ASIC2: variants seen among roughly 807,000 people sequenced by gnomAD.
ASIC2 encodes the protein acid-sensing ion channel 2.
In ASIC2, 25 loss-of-function variants were observed where a neutral mutation model predicts 57.3. The observed-to-expected ratio is 0.44, with a 90% CI of 0.32 to 0.61. The LOEUF (loss-of-function observed/expected upper bound fraction) is 0.61. Among genes scored for constraint, ASIC2 ranks in the 20% least tolerant of loss-of-function variants. The probability of loss-of-function intolerance (pLI) is 0.06; values close to 1 mark genes in which losing one functional copy is unlikely to be tolerated. For missense variants in ASIC2, 641 were observed against 738.1 expected (o/e 0.87, Z 1.52); for synonymous variants, 319 against 307.5 (o/e 1.04, Z -0.39).
chr17:33,261,287 T>C (rs1056715164), intron 1 of ASIC2, among the ~76,000 whole-genome samples: 1 of 152,216 alleles, frequency 6.6e-6, no homozygotes, highest in African/African-American at 2.4e-5. Context: ...TCTCCCATCT[T>C]CCCCTCATCA....
At chr17:33,983,144 C>G (rs1905688308) in intron 1 of ASIC2, among the ~76,000 whole-genome samples, 1 of 152,166 alleles carries the variant, frequency 6.6e-6, no homozygotes, top group Non-Finnish European at 1.5e-5. Flanking sequence ...ATACCAGTTA[C>G]TCAAAAACAT....
intron 1 of ASIC2, among the ~76,000 whole-genome samples, chr17:33,704,347 C>A (rs1908800169): frequency 6.6e-6 from 1 of 152,130 alleles, no homozygotes; most frequent in South Asian, 2.1e-4. Context: ...ACTCAGAGAG[C>A]CATCCAGAAT....
intron 1 of ASIC2, among the ~76,000 whole-genome samples, chr17:33,820,481 A>G (rs1441584604): frequency 6.6e-6 from 1 of 152,234 alleles, no homozygotes; most frequent in Admixed American, 6.5e-5. Flanking sequence ...ATTAGCCAGC[A>G]ATTTCATATG....
At chr17:34,100,385 G>T (rs1242076816) in intron 1 of ASIC2, among the ~76,000 whole-genome samples, 1 of 152,038 alleles carries the variant, frequency 6.6e-6, no homozygotes, top group Non-Finnish European at 1.5e-5. Context: ...CAGCTCCATG[G>T]CACGGTAAGG....
chr17:33,285,260 G>A (rs1159121726), intron 1 of ASIC2, among the ~76,000 whole-genome samples: 5 of 152,190 alleles, frequency 3.3e-5, no homozygotes, highest in Non-Finnish European at 7.3e-5. Flanking sequence ...AGACCTGAGT[G>A]GAGTTTACAT....
intron 1 of ASIC2, among the ~76,000 whole-genome samples, chr17:33,915,240 C>T (rs1915558892): frequency 6.6e-6 from 1 of 152,182 alleles, no homozygotes; most frequent in African/African-American, 2.4e-5. Context: ...AGACAATACA[C>T]CTTTACAGGT....
chr17:33,529,907 T>G (rs1914996915), intron 1 of ASIC2: 1 of 152,220 alleles, frequency 6.6e-6, no homozygotes, highest in Admixed American at 6.5e-5. Context: ...TTTGTGCTCC[T>G]CCGGCTCGCT....
chr17:33,796,095 C>G lies in ASIC2; in HGVS notation c.555+359883G>C, dbSNP rs73986717. On this transcript the variant is annotated intron_variant, in intron 1 of 9. Transcript: ENST00000359872. The stretch of plus-strand genomic sequence containing the variant: ...CTTAATAGGCCAAGTGCCACAATCA[C>G]AGTGGCTTCTTCTTGCCCTTGGTTT... Among the ~76,000 whole-genome samples, 117 of 152,366 alleles carry G rather than the reference C, an allele frequency of 7.7e-4. 2 individuals are homozygous for G. The highest frequency in any genetic ancestry group is 2.7e-3 in the African/African-American group (114 of 41,588).
chr17:33,066,442 G>T (rs1031508091), intron 3 of ASIC2, among the ~76,000 whole-genome samples: 2 of 152,156 alleles, frequency 1.3e-5, no homozygotes, highest in Non-Finnish European at 2.9e-5. Flanking sequence ...CACCCAGCCT[G>T]GTGCTAGGCT....
At chr17:33,465,644 G>A (rs1291373391) in intron 1 of ASIC2, among the ~76,000 whole-genome samples, 2 of 152,168 alleles carry the variant, frequency 1.3e-5, no homozygotes, top group Admixed American at 1.3e-4. Flanking sequence ...AAAGTGTTGG[G>A]ATTACAGACA....
Position 33,984,525 on chromosome 17 carries a change from C to T in ASIC2, c.555+171453G>A, listed in dbSNP as rs192016527. ...TGCCTAGGATTAAAGGCCCATGGCA[C>T]GTAAAAGGGCCAAGAGGAAATTTCC... On this transcript the variant is annotated intron_variant, in intron 1 of 9. Coordinates refer to the ASIC2 transcript ENST00000359872. Among the ~76,000 whole-genome samples, 333 of 152,312 alleles carry T rather than the reference C, an allele frequency of 2.2e-3. 1 individual carries two copies. The highest frequency in any genetic ancestry group is 3.5e-3 in the Non-Finnish European group (235 of 68,024).
Position 33,813,182 on chromosome 17 carries a change from T to C in ASIC2, c.555+342796A>G, listed in dbSNP as rs557042561. Among the ~76,000 whole-genome samples, 7 of 151,884 alleles carry C rather than the reference T, an allele frequency of 4.6e-5. No homozygotes were observed. The East Asian group carries it at 1.4e-3, about 30-fold the overall frequency. ...TGTAGAAATTAGATTGGTAAACAAG[T>C]TGGGGAGGAGCACGGAGGACCCAGA... On this transcript the variant is annotated intron_variant, in intron 1 of 9. Transcript: ENST00000359872.
intron 1 of ASIC2, among the ~76,000 whole-genome samples, chr17:33,389,038 C>T (rs778159710): frequency 6.6e-6 from 1 of 152,240 alleles, no homozygotes. Flanking sequence ...TGGCTCACTG[C>T]AACCTCTGCC....
chr17:33,505,938 CAAGCTCCTTGAAAAA>C (rs2141945106), intron 1 of ASIC2, among the ~76,000 whole-genome samples: 1 of 152,288 alleles, frequency 6.6e-6, no homozygotes, highest in African/African-American at 2.4e-5. Flanking sequence ...TACTGGACTT[CAAGCTCCTTGAAAAA>C]AGGGATTGCT....
intron 1 of ASIC2, among the ~76,000 whole-genome samples, chr17:34,028,994 C>T (rs12950960): frequency 0.16 from 24,545 of 152,092 alleles, 2,128 homozygotes; most frequent in African/African-American, 0.23. Flanking sequence ...CTTTAGATAG[C>T]CTTGTAGCTC....
chr17:33,027,159 A>G (rs529415224), intron 4 of ASIC2, among the ~76,000 whole-genome samples: 1 of 152,222 alleles, frequency 6.6e-6, no homozygotes, highest in Non-Finnish European at 1.5e-5. Flanking sequence ...ACCCACATGC[A>G]TCGACTACCC....
At chr17:33,642,707 G>A (rs1906615050) in intron 1 of ASIC2, among the ~76,000 whole-genome samples, 2 of 152,118 alleles carry the variant, frequency 1.3e-5, no homozygotes, top group Admixed American at 1.3e-4. Flanking sequence ...TGCAAGTATT[G>A]CCTGGGAAAT....
intron 1 of ASIC2, among the ~76,000 whole-genome samples, chr17:33,702,164 C>A (rs958686200): frequency 6.6e-6 from 1 of 152,162 alleles, no homozygotes; most frequent in East Asian, 1.9e-4. Context: ...GAAGCATACT[C>A]GCTTTGGTAC....
At chr17:33,767,047 T>C (rs1330274826) in intron 1 of ASIC2, among the ~76,000 whole-genome samples, 5 of 152,234 alleles carry the variant, frequency 3.3e-5, no homozygotes, top group Non-Finnish European at 7.3e-5. Flanking sequence ...TGCACAGAGT[T>C]TTCCATTTGT....
Sources: gnomAD v4.1 joint callset for allele counts (sites outside exome capture counted in the v4.1 genomes callset) on GRCh38, gnomAD v4.1.1 for gene constraint, MANE v1.5 for transcripts, NCBI Gene and HGNC (gene_info 2026-07-23, HGNC 2026-07-21) for gene names.